The following MACF1 variants were observed in gnomAD, a reference collection of about 807,000 sequenced individuals.
MACF1 encodes the protein microtubule-actin cross-linking factor 1.
In MACF1, 193 loss-of-function variants were observed where a neutral mutation model predicts 854.8. That is an observed-to-expected ratio of 0.23 (90% CI 0.20 to 0.25). The LOEUF (loss-of-function observed/expected upper bound fraction) is 0.25. MACF1 is among the 10% of genes least tolerant of loss of function. The pLI is 1.00. For missense variants in MACF1, 7,722 were observed against 8,929.1 expected (o/e 0.86, Z 5.45); for synonymous variants, 3,185 against 3,226.7 (o/e 0.99, Z 0.44).
At chr1:39,220,711 C>T (rs1315677311) in intron 1 of MACF1, among the ~76,000 whole-genome samples, 6 of 151,684 alleles carry the variant, frequency 4.0e-5, no homozygotes, top group African/African-American at 1.2e-4. Flanking sequence ...TCTTGAACTC[C>T]GGACCTCAAG....
intron 23 of MACF1, chr1:39,304,798 G>C: frequency 7.8e-6 from 2 of 255,716 alleles, no homozygotes; most frequent in African/African-American, 2.3e-5. Flanking sequence ...TCCTGACCTT[G>C]TGATCCACCC....
At position 39,349,471 on chromosome 1, in the gene MACF1, T is replaced by C; in HGVS notation, c.10816-7T>C. The C allele has an allele frequency of 6.2e-7, 1 of 1,606,676 alleles. No homozygotes were observed. The highest frequency in any genetic ancestry group is 8.5e-7 in the Non-Finnish European group (1 of 1,177,132). On this transcript the variant is annotated splice_polypyrimidine_tract_variant and splice_region_variant and intron_variant, in intron 41 of 100. Coordinates refer to ENST00000564288, the MANE Select transcript of MACF1 (RefSeq NM_001394062.1). ...AATGTCTCTTGACCCCTTTGCATTT[T>C]AATTAGACCCTGCAGAAACAACAAA...
chr1:39,243,945 C>T (rs540471648), intron 2 of MACF1, among the ~76,000 whole-genome samples: 1 of 152,030 alleles, frequency 6.6e-6, no homozygotes, highest in South Asian at 2.1e-4. Context: ...TAGTTCTTTA[C>T]TCTTCTTTAG....
intron 11 of MACF1, 111 bp from the exon 12 acceptor site, chr1:39,284,972 A>G: frequency 1.4e-6 from 2 of 1,417,496 alleles, no homozygotes; most frequent in East Asian, 2.3e-5. Flanking sequence ...ACAATAGGAA[A>G]AACTGCTGAA....
At chr1:39,153,638 C>T (rs1031636327) in intron 2 of MACF1, among the ~76,000 whole-genome samples, 1 of 150,950 alleles carries the variant, frequency 6.6e-6, no homozygotes, top group East Asian at 2.0e-4. Flanking sequence ...CAGAGCTCTT[C>T]GTACCCTTTT....
At chr1:39,400,747 A>G (rs1464905080) in intron 58 of MACF1, among the ~76,000 whole-genome samples, 1 of 152,118 alleles carries the variant, frequency 6.6e-6, no homozygotes, top group African/African-American at 2.4e-5. Flanking sequence ...AGCTCAAGTG[A>G]TCCGCCCACC....
upstream of MACF1, among the ~76,000 whole-genome samples, chr1:39,203,995 C>T (rs1644422077): frequency 6.6e-6 from 1 of 152,110 alleles, no homozygotes; most frequent in African/African-American, 2.4e-5. Context: ...GGTCTAAGGC[C>T]GGGCACAGTG....
chr1:39,296,915 C>T (rs764618562), intron 20 of MACF1, among the ~76,000 whole-genome samples: 23 of 151,598 alleles, frequency 1.5e-4, no homozygotes, highest in Non-Finnish European at 4.4e-5. Context: ...AAGCTGTTAC[C>T]TCTGTTTTTG....
At chr1:39,352,207 CTATT>C (rs1647204784) in intron 43 of MACF1, among the ~76,000 whole-genome samples, 4 of 152,024 alleles carry the variant, frequency 2.6e-5, no homozygotes, top group Admixed American at 2.6e-4. Context: ...TTGGCATAAC[CTATT>C]TAATCTATTA....
At chr1:39,406,755 A>C (rs1451191608) in intron 58 of MACF1, among the ~76,000 whole-genome samples, 1 of 150,856 alleles carries the variant, frequency 6.6e-6, no homozygotes, top group Non-Finnish European at 1.5e-5. Context: ...AAAAAAAAAA[A>C]AAACATTCTT....
In MACF1 at chr1:39,334,973, T is replaced by C. The variant is rs1646786577; in HGVS notation, c.8385T>C (p.Ile2795=). 3.7e-6 allele frequency: 6 copies of C among 1,614,178 alleles called. No homozygotes were observed. The South Asian group carries it at 6.6e-5, about 18-fold the overall frequency. Residue 2795 remains isoleucine, a synonymous_variant, in exon 37 of 101, where the codon ATT becomes ATC. Coordinates refer to ENST00000564288, the MANE Select transcript of MACF1 (RefSeq NM_001394062.1). The stretch of plus-strand genomic sequence containing the variant: ...AATTTCTAGGAAAGGATATGTTAAT[T>C]GCTTGTAATCAGACTGCTGAAATGA... ...QNEFLGKDML[I]ACNQTAEMSC... is the part of the protein sequence containing the mutation.
Position 39,434,410 on chromosome 1 carries a change from A to G in MACF1, c.17566-4A>G, listed in dbSNP as rs899703736. 1.4e-6 allele frequency: 2 copies of G among 1,467,358 alleles called. No homozygotes were observed. The highest frequency in any genetic ancestry group is 1.5e-5 in the African/African-American group (1 of 65,772). 90.9% of individuals were successfully genotyped at this position (1,467,358 alleles called of 1,614,324 possible). On this transcript the variant is annotated splice_region_variant and splice_polypyrimidine_tract_variant and intron_variant, in intron 68 of 100. Coordinates refer to ENST00000564288, the MANE Select transcript of MACF1 (RefSeq NM_001394062.1). ...CCTTTTTTTTTTTTTTTTTGCTCAC[A>G]TAGGAAAAGACAGAGTCTCTAATAC...
intron 1 of MACF1, among the ~76,000 whole-genome samples, chr1:39,219,107 A>G (rs1435403718): frequency 2.0e-5 from 3 of 152,220 alleles, no homozygotes; most frequent in African/African-American, 7.2e-5. Flanking sequence ...TTAATTTTGC[A>G]TTGAAGCTTC....
In MACF1 at chr1:39,171,201, G is replaced by GTT. The variant is rs1553155016; in HGVS notation, c.221-59979_221-59978dup. Among the ~76,000 whole-genome samples, 6 of 103,408 alleles carry GTT rather than the reference G, an allele frequency of 5.8e-5. No individual in the cohort carries two copies. In the East Asian group the frequency reaches 1.2e-3, roughly 20 times the overall value. The allele number at this position is 103,408 out of a possible 152,430, so 67.8% of individuals were successfully genotyped here. A position where few individuals can be genotyped will look rare whatever the true frequency, so the allele number is the denominator to read the frequency against. Reference sequence around the variant, plus strand: ...ACTTTTACATAATTGTAATCTTTCTGTTTGTGTGTGTGTGTGTGTGTGTGT... The same window carrying GTT: ...ACTTTTACATAATTGTAATCTTTCTGTTTTTGTGTGTGTGTGTGTGTGTGTGT... On this transcript the variant is annotated intron_variant, in intron 2 of 93. Coordinates refer to the MACF1 transcript ENST00000361689.
At chr1:39,483,748 G>A (rs1200558066) in intron 99 of MACF1, among the ~76,000 whole-genome samples, 1 of 152,192 alleles carries the variant, frequency 6.6e-6, no homozygotes, top group African/African-American at 2.4e-5. Context: ...TCCCACAGTC[G>A]TGTGCTTCTC....
chr1:39,436,077 C>T (rs1220168040), intron 70 of MACF1: 1 of 405,056 alleles, frequency 2.5e-6, no homozygotes, highest in Non-Finnish European at 4.4e-6. Flanking sequence ...AAAGCAGTGA[C>T]TGCCTCAAAA....
At position 39,340,615 on chromosome 1, in the gene MACF1, T is replaced by C. The variant is rs760782850; in HGVS notation, c.10329T>C (p.Ala3443=). The change falls in exon 39 of 101, where the codon GCT becomes GCC. Residue 3443 remains alanine (A), a synonymous_variant. Coordinates refer to ENST00000564288, the MANE Select transcript of MACF1 (RefSeq NM_001394062.1). ...PQEVPAQLLK[A]LEKDAKNLQK... is the part of the protein sequence containing the mutation. ...AAGTTCCTGCTCAACTGTTGAAGGC[T>C]CTAGAGAAAGATGCCAAGAATCTTC... 1.2e-6 allele frequency: 2 copies of C among 1,614,046 alleles called. No homozygotes were observed. The highest frequency in any genetic ancestry group is 1.7e-6 in the Non-Finnish European group (2 of 1,180,022).
intron 2 of MACF1, among the ~76,000 whole-genome samples, chr1:39,102,191 GA>G (rs200498315): frequency 1.4e-4 from 3 of 21,174 alleles, no homozygotes; most frequent in African/African-American, 6.6e-4. Context: ...AGAAGAAAAA[GA>G]AAGAGAGAGA....
At chr1:39,441,346 C>G in intron 74 of MACF1, 21 bp downstream of exon 74, 7 of 1,585,654 alleles carry the variant, frequency 4.4e-6, no homozygotes, top group Non-Finnish European at 5.2e-6. Context: ...AGGAGGTGAC[C>G]ACCAAGGAAA....
Sources: gnomAD v4.1 joint callset for allele counts (sites outside exome capture counted in the v4.1 genomes callset) on GRCh38, gnomAD v4.1.1 for gene constraint, MANE v1.5 for transcripts, NCBI Gene and HGNC (gene_info 2026-07-23, HGNC 2026-07-21) for gene names.